Variants in ATP8A1 observed in about 807,000 individuals in gnomAD.
ATP8A1 encodes phospholipid-transporting ATPase IA.
A neutral mutation model predicts 177.7 loss-of-function variants in ATP8A1; 90 were observed. That is an observed-to-expected ratio of 0.51 (90% CI 0.43 to 0.60). The LOEUF (loss-of-function observed/expected upper bound fraction) is 0.60. Among genes scored for constraint, ATP8A1 ranks in the 20% least tolerant of loss-of-function variants. The pLI is 0.00. For synonymous variants in ATP8A1, 493 were observed against 485.9 expected (o/e 1.01, Z -0.19); for missense variants, 1,072 against 1,392.8 (o/e 0.77, Z 3.67).
At chr4:42,611,164 CT>C (rs1001154226) in intron 5 of ATP8A1, among the ~76,000 whole-genome samples, 3 of 152,168 alleles carry the variant, frequency 2.0e-5, no homozygotes, top group African/African-American at 7.2e-5. Flanking sequence ...ACTATGCGCC[CT>C]GCAGGGAAGT....
At chr4:42,416,420 G>A (rs920154878) in intron 35 of ATP8A1, among the ~76,000 whole-genome samples, 2 of 152,178 alleles carry the variant, frequency 1.3e-5, no homozygotes, top group African/African-American at 4.8e-5. Context: ...CAATATTAAA[G>A]TGGTAAGAAG....
intron 31 of ATP8A1, among the ~76,000 whole-genome samples, chr4:42,445,402 A>AT (rs969757053): frequency 5.4e-4 from 81 of 151,074 alleles, no homozygotes; most frequent in East Asian, 2.5e-3. Flanking sequence ...TCTTACAGAG[A>AT]TTTTTTTTTT....
chr4:42,581,547 A>T (rs1733075046), intron 10 of ATP8A1, 74 bp downstream of exon 10: 1 of 1,045,660 alleles, frequency 9.6e-7, no homozygotes. Flanking sequence ...GTTTGGGACC[A>T]CTGCACTGAG....
chr4:42,527,914 T>C (rs948307599), intron 20 of ATP8A1, among the ~76,000 whole-genome samples: 2 of 152,128 alleles, frequency 1.3e-5, no homozygotes, highest in Admixed American at 1.3e-4. Context: ...ATTTATGCTG[T>C]TAATCCTTCT....
In ATP8A1 at chr4:42,543,999, G is replaced by A; in HGVS notation, c.1653-13C>T. 1 of 1,610,740 alleles carries A rather than the reference G, an allele frequency of 6.2e-7. No individual in the cohort carries two copies. Among genetic ancestry groups the A allele is most frequent in the Non-Finnish European group, 8.5e-7 (1 of 1,177,790 alleles). On this transcript the variant is annotated splice_polypyrimidine_tract_variant and intron_variant, in intron 19 of 36. Transcript: ENST00000381668. ...TCTTTTCCTAGCACTGAAAGAAAGA[G>A]GTTTTGCATAATGTGTCATCATACC...
chr4:42,648,434 C>T (rs976469651), intron 1 of ATP8A1, among the ~76,000 whole-genome samples: 1 of 151,922 alleles, frequency 6.6e-6, no homozygotes, highest in Non-Finnish European at 1.5e-5. Flanking sequence ...ACGGAAGCAC[C>T]TCAAATCAGT....
In ATP8A1 at chr4:42,412,225, C is replaced by T. The variant is rs1170661899; in HGVS notation, c.*691G>A. 2 of 152,146 alleles carry T rather than the reference C, an allele frequency of 1.3e-5. No individual in the cohort carries two copies. The highest frequency in any genetic ancestry group is 3.9e-4 in the East Asian group (2 of 5,192). 9.4% of individuals were successfully genotyped at this position (152,146 alleles called of 1,614,324 possible). On this transcript the variant is annotated 3_prime_UTR_variant, in exon 37 of 37. Coordinates refer to ENST00000381668, the MANE Select transcript of ATP8A1 (RefSeq NM_006095.2). The stretch of plus-strand genomic sequence containing the variant: ...TGTAAGGCCAAAGGTGCAACATCAC[C>T]GATTTTAGTAGCAAATGCCTTGAAA...
In ATP8A1 at chr4:42,456,875, A is replaced by G. The variant is rs138063867; in HGVS notation, c.2620-1276T>C. 2.6e-3 allele frequency among the ~76,000 whole-genome samples: 399 copies of G among 152,310 alleles called. 1 individual carries two copies. The highest frequency in any genetic ancestry group is 9.3e-3 in the African/African-American group (386 of 41,572). ...CCTCATTATGGAAGCATGAATTACTACAAATTCACCATTTATCAATATATA... is the reference window on the plus strand; with the variant it reads ...CCTCATTATGGAAGCATGAATTACTGCAAATTCACCATTTATCAATATATA... On this transcript the variant is annotated intron_variant, in intron 27 of 36. Transcript: ENST00000381668.
At chr4:42,425,522 G>C (rs1031247199) in intron 33 of ATP8A1, among the ~76,000 whole-genome samples, 3 of 152,070 alleles carry the variant, frequency 2.0e-5, no homozygotes, top group African/African-American at 7.2e-5. Context: ...GCCGACATTC[G>C]CATTAAAGAC....
intron 20 of ATP8A1, among the ~76,000 whole-genome samples, chr4:42,536,227 G>A (rs1282491510): frequency 6.6e-6 from 1 of 152,150 alleles, no homozygotes; most frequent in Non-Finnish European, 1.5e-5. Context: ...AAGAAAATAA[G>A]AGAGAAGATC....
At chr4:42,496,791 T>C (rs760184744) in intron 24 of ATP8A1, among the ~76,000 whole-genome samples, 27 of 101,182 alleles carry the variant, frequency 2.7e-4, no homozygotes, top group Non-Finnish European at 4.8e-4. Flanking sequence ...CATACACATA[T>C]ATGCACATAT....
At chr4:42,654,008 C>T (rs1259961951) in intron 1 of ATP8A1, among the ~76,000 whole-genome samples, 1 of 152,190 alleles carries the variant, frequency 6.6e-6, no homozygotes, top group African/African-American at 2.4e-5. Flanking sequence ...ATCTGCAGGC[C>T]AGCATCCTTC....
At chr4:42,613,072 A>G (rs1173341971) in intron 5 of ATP8A1, among the ~76,000 whole-genome samples, 2 of 152,188 alleles carry the variant, frequency 1.3e-5, no homozygotes, top group African/African-American at 4.8e-5. Context: ...CTTCTGCCTC[A>G]ATTCAGAAAA....
Position 42,636,154 on chromosome 4 carries a change from A to ACGCGCGCGCGTGCGCGCG in ATP8A1, c.50-9046_50-9045insCGCGCGCACGCGCGCGCG, listed in dbSNP as rs765930469. Among the ~76,000 whole-genome samples, 134 of 47,612 alleles carry ACGCGCGCGCGTGCGCGCG rather than the reference A, an allele frequency of 2.8e-3. 2 individuals carry two copies. Among genetic ancestry groups the ACGCGCGCGCGTGCGCGCG allele is most frequent in the South Asian group, 0.012 (16 of 1,334 alleles). 31.2% of individuals were successfully genotyped at this position (47,612 alleles called of 152,430 possible). The stretch of plus-strand genomic sequence containing the variant: ...CACACACACACACACACACACACAC[A>ACGCGCGCGCGTGCGCGCG]CACGCACACACACACACATAAGCTT... On this transcript the variant is annotated intron_variant, in intron 1 of 36. Coordinates refer to ENST00000381668, the MANE Select transcript of ATP8A1 (RefSeq NM_006095.2).
intron 27 of ATP8A1, among the ~76,000 whole-genome samples, chr4:42,461,672 C>G (rs1719174771): frequency 6.6e-6 from 1 of 152,064 alleles, no homozygotes; most frequent in East Asian, 1.9e-4. Flanking sequence ...AAATTGGTAC[C>G]AGTAGAGTGG....
At chr4:42,594,276 T>C (rs770478246) in intron 6 of ATP8A1, 3 of 1,536,224 alleles carry the variant, frequency 2.0e-6, no homozygotes, top group South Asian at 1.1e-5. Flanking sequence ...TGAGCATCAG[T>C]AGGCATCTCT....
At chr4:42,653,547 A>C (rs1741325076) in intron 1 of ATP8A1, among the ~76,000 whole-genome samples, 1 of 152,202 alleles carries the variant, frequency 6.6e-6, no homozygotes, top group Non-Finnish European at 1.5e-5. Context: ...TGTCATTTTA[A>C]GACTGTTTTG....
At chr4:42,525,643 T>C (rs1726599102) in intron 20 of ATP8A1, among the ~76,000 whole-genome samples, 3 of 152,258 alleles carry the variant, frequency 2.0e-5, no homozygotes, top group Admixed American at 2.0e-4. Flanking sequence ...AACTGCCTAC[T>C]ATTCATTTAG....
At chr4:42,600,730 A>G (rs1735163155) in intron 5 of ATP8A1, among the ~76,000 whole-genome samples, 1 of 152,204 alleles carries the variant, frequency 6.6e-6, no homozygotes, top group Non-Finnish European at 1.5e-5. Flanking sequence ...AACATCACTA[A>G]CAGAGAGCAT....
Sources: allele counts gnomAD v4.1 joint callset (sites outside exome capture counted in the v4.1 genomes callset), GRCh38; gene constraint gnomAD v4.1.1; transcripts MANE v1.5; gene names NCBI Gene and HGNC (gene_info 2026-07-23, HGNC 2026-07-21).